The following CD226 variants were observed in gnomAD, a reference collection of about 807,000 sequenced individuals.
CD226 encodes CD226 molecule.
A neutral mutation model predicts 34.9 loss-of-function variants in CD226; 24 were observed. The observed-to-expected ratio is 0.69, with a 90% confidence interval of 0.50 to 0.97. CD226 has a LOEUF of 0.97. Ranked by LOEUF, CD226 falls within the 50% of genes least tolerant of loss-of-function variation. CD226 has a pLI of 0.00. For missense variants in CD226, 397 were observed against 412.7 expected (o/e 0.96, Z 0.33); for synonymous variants, 148 against 147.4 (o/e 1.00, Z -0.03).
rs1982536269 is a variant in CD226, at chr18:69,853,671, G to A, written c.*10643C>T. On this transcript the variant is annotated 3_prime_UTR_variant, in exon 6 of 6. Coordinates refer to ENST00000582621, the MANE Select transcript of CD226 (RefSeq NM_001303618.2). ...TTAGACTGAGCTCTGTGATGAGTGAGCATCCCCAGCAGTTCATCTTTAGTT... is the reference window on the plus strand; with the variant it reads ...TTAGACTGAGCTCTGTGATGAGTGAACATCCCCAGCAGTTCATCTTTAGTT... 1 of 152,162 alleles carries A rather than the reference G, an allele frequency of 6.6e-6. No individual in the cohort carries two copies. The highest frequency in any genetic ancestry group is 2.4e-5 in the African/African-American group (1 of 41,446). 9.4% of individuals were successfully genotyped at this position (152,162 alleles called of 1,614,324 possible).
rs910676798 is a variant in CD226, at chr18:69,859,856, T to G, written c.*4458A>C. On this transcript the variant is annotated 3_prime_UTR_variant, in exon 6 of 6. Transcript: ENST00000582621. ...AGGAGGCTGAGGCAGGTGGATCACC[T>G]GAGGTCCAGAGTTCAAGACAAGTCT... 2.6e-5 allele frequency: 4 copies of G among 152,252 alleles called. No individual in the cohort carries two copies. In the South Asian group the frequency reaches 8.3e-4, roughly 32 times the overall value. The allele number at this position is 152,252 out of a possible 1,614,324, so 9.4% of individuals were successfully genotyped here.
At chr18:69,948,859 A>G (rs1407845360), upstream of CD226, among the ~76,000 whole-genome samples, 11 of 152,250 alleles carry the variant, frequency 7.2e-5, no homozygotes, top group Non-Finnish European at 1.6e-4. Flanking sequence ...CAGGTTATGC[A>G]TAATATAGTG....
chr18:69,868,852 C>A (rs578198335), intron 4 of CD226, among the ~76,000 whole-genome samples: 1 of 151,896 alleles, frequency 6.6e-6, no homozygotes, highest in African/African-American at 2.4e-5. Context: ...TTTAAATAAG[C>A]CTGGAGCATA....
In CD226 at chr18:69,861,542, G is replaced by GTATATATA. The variant is rs1426781436; in HGVS notation, c.*2764_*2771dup. On this transcript the variant is annotated 3_prime_UTR_variant, in exon 6 of 6. Coordinates refer to ENST00000582621, the MANE Select transcript of CD226 (RefSeq NM_001303618.2). ...TTATCCATCGATATAAATTATATGTGTATATATATATGTATATATATATAT... is the reference window on the plus strand; with the variant it reads ...TTATCCATCGATATAAATTATATGTGTATATATATATATATATATGTATATATATATAT... 4.8e-5 allele frequency: 2 copies of GTATATATA among 41,526 alleles called. No homozygotes were observed. The highest frequency in any genetic ancestry group is 1.0e-4 in the African/African-American group (2 of 19,270). 2.6% of individuals were successfully genotyped at this position (41,526 alleles called of 1,614,324 possible). A position where few individuals can be genotyped will look rare whatever the true frequency, so the allele number is the denominator to read the frequency against.
chr18:69,866,309 T>C (rs1983140399), intron 5 of CD226, among the ~76,000 whole-genome samples: 1 of 152,128 alleles, frequency 6.6e-6, no homozygotes, highest in Non-Finnish European at 1.5e-5. Context: ...ATAAACAGGA[T>C]GCTATGCATT....
chr18:69,904,641 G>T (rs888814987), intron 2 of CD226, among the ~76,000 whole-genome samples: 5 of 152,184 alleles, frequency 3.3e-5, no homozygotes, highest in African/African-American at 9.7e-5. Flanking sequence ...GAATCACATG[G>T]AAAAGTCAAA....
At chr18:69,896,403 A>C (rs531031869) in intron 2 of CD226, among the ~76,000 whole-genome samples, 1 of 152,088 alleles carries the variant, frequency 6.6e-6, no homozygotes, top group Admixed American at 6.5e-5. Context: ...GGATGGTCTC[A>C]ATCTCCTGAC....
intron 3 of CD226, among the ~76,000 whole-genome samples, chr18:69,883,622 C>T (rs978901581): frequency 6.6e-6 from 1 of 152,088 alleles, no homozygotes; most frequent in African/African-American, 2.4e-5. Context: ...AAACTTGGTA[C>T]ATAAAAGGAA....
intron 2 of CD226, among the ~76,000 whole-genome samples, chr18:69,932,184 G>C (rs1299649046): frequency 6.6e-6 from 1 of 152,178 alleles, no homozygotes; most frequent in Non-Finnish European, 1.5e-5. Flanking sequence ...CTCCTGACTT[G>C]TCTTTCCTCT....
chr18:69,895,423 T>C lies in CD226; in HGVS notation c.727+278A>G, dbSNP rs115159403. 2.2e-3 allele frequency among the ~76,000 whole-genome samples: 338 copies of C among 152,264 alleles called. 2 individuals are homozygous for C. Among genetic ancestry groups the C allele is most frequent in the African/African-American group, 8.0e-3 (332 of 41,568 alleles). Reference sequence around the variant, plus strand: ...AAACCTGAAGGCTGGTAATACCATATGTTTTTCAGCCCTTTACGAATTTCT... The same window carrying C: ...AAACCTGAAGGCTGGTAATACCATACGTTTTTCAGCCCTTTACGAATTTCT... On this transcript the variant is annotated intron_variant, in intron 3 of 5. Coordinates refer to ENST00000582621, the MANE Select transcript of CD226 (RefSeq NM_001303618.2).
intron 2 of CD226, among the ~76,000 whole-genome samples, chr18:69,917,498 C>G (rs1037619457): frequency 6.6e-6 from 1 of 152,212 alleles, no homozygotes; most frequent in African/African-American, 2.4e-5. Flanking sequence ...AACACATGCA[C>G]TTTATGCTCA....
intron 2 of CD226, among the ~76,000 whole-genome samples, chr18:69,902,621 C>G (rs1383899567): frequency 1.3e-5 from 2 of 151,610 alleles, no homozygotes. Flanking sequence ...TGTCTACTCA[C>G]CATCGCTGAG....
In CD226 at chr18:69,921,307, C is replaced by T. The variant is rs191120356; in HGVS notation, c.383-25262G>A. ...CTCTCTTGTCCACGCCTCCATGCCC[C>T]GTGCAGGTTGTTCTGTCTGCTGAGA... On this transcript the variant is annotated intron_variant, in intron 2 of 5. Coordinates refer to ENST00000582621, the MANE Select transcript of CD226 (RefSeq NM_001303618.2). Among the ~76,000 whole-genome samples, 107 of 152,246 alleles carry T rather than the reference C, an allele frequency of 7.0e-4. No individual in the cohort carries two copies. The Middle Eastern group carries it at 0.014, about 19-fold the overall frequency.
upstream of CD226, among the ~76,000 whole-genome samples, chr18:69,961,050 A>G (rs1234095924): frequency 6.6e-6 from 1 of 152,236 alleles, no homozygotes; most frequent in East Asian, 1.9e-4. Flanking sequence ...ACATGGTCAA[A>G]TAAAACAGAA....
At position 69,860,572 on chromosome 18, in the gene CD226, T is replaced by C. The variant is rs1430445757; in HGVS notation, c.*3742A>G. 1 of 152,178 alleles carries C rather than the reference T, an allele frequency of 6.6e-6. No homozygotes were observed. The highest frequency in any genetic ancestry group is 2.4e-5 in the African/African-American group (1 of 41,452). 9.4% of individuals were successfully genotyped at this position (152,178 alleles called of 1,614,324 possible). A position where few individuals can be genotyped will look rare whatever the true frequency, so the allele number is the denominator to read the frequency against. On this transcript the variant is annotated 3_prime_UTR_variant, in exon 6 of 6. Transcript: ENST00000582621. The stretch of plus-strand genomic sequence containing the variant: ...ATTCTAGAAGCTATTTTTCTACCTA[T>C]TGAATCACTAGAAATAGAGAAGCTT...
intron 2 of CD226, among the ~76,000 whole-genome samples, chr18:69,910,020 T>C (rs1221096873): frequency 1.3e-5 from 2 of 152,260 alleles, no homozygotes; most frequent in East Asian, 1.9e-4. Flanking sequence ...TGCTAACAGT[T>C]AGAACATGTG....
chr18:69,907,926 ATTATAT>A (rs1483414284), intron 2 of CD226, among the ~76,000 whole-genome samples: 8 of 152,032 alleles, frequency 5.3e-5, no homozygotes, highest in Admixed American at 1.3e-4. Context: ...ATTATTACAC[ATTATAT>A]TTATAAGTTA....
At chr18:69,880,482 A>G (rs1984181804) in intron 3 of CD226, among the ~76,000 whole-genome samples, 1 of 152,070 alleles carries the variant, frequency 6.6e-6, no homozygotes, top group Non-Finnish European at 1.5e-5. Context: ...AAAGACAAAT[A>G]CCACATAATC....
chr18:69,927,836 C>T (rs919229447), intron 2 of CD226, among the ~76,000 whole-genome samples: 1 of 152,078 alleles, frequency 6.6e-6, no homozygotes, highest in East Asian at 1.9e-4. Context: ...TTTATTCCTC[C>T]GTAGACACTT....
Sources: gnomAD v4.1 joint callset for allele counts (sites outside exome capture counted in the v4.1 genomes callset) on GRCh38, gnomAD v4.1.1 for gene constraint, MANE v1.5 for transcripts, NCBI Gene and HGNC (gene_info 2026-07-23, HGNC 2026-07-21) for gene names.